The following SGMS2 variants were observed in gnomAD, a reference collection of about 807,000 sequenced individuals.
SGMS2 encodes phosphatidylcholine:ceramide cholinephosphotransferase 2.
SGMS2 carries 21 observed loss-of-function variants against 43.8 expected under a neutral mutation model. The ratio of observed to expected loss-of-function variants is 0.48; its 90% CI spans 0.34 to 0.69. SGMS2 has a LOEUF of 0.69. Ranked by LOEUF, SGMS2 falls within the 30% of genes least tolerant of loss-of-function variation. The pLI, the probability that SGMS2 is intolerant of heterozygous loss-of-function variation, is 0.01. For missense variants in SGMS2, 384 were observed against 443.2 expected (o/e 0.87, Z 1.20); for synonymous variants, 167 against 160.6 (o/e 1.04, Z -0.30).
At position 107,914,830 on chromosome 4, in the gene SGMS2, A is replaced by G. The variant is rs1732354149; in HGVS notation, c.*4277A>G. 1 of 152,162 alleles carries G rather than the reference A, an allele frequency of 6.6e-6. No individual in the cohort carries two copies. The highest frequency in any genetic ancestry group is 2.1e-4 in the South Asian group (1 of 4,834). 9.4% of individuals were successfully genotyped at this position (152,162 alleles called of 1,614,324 possible). ...TGTGTTTGTAAACATTTCAGGAGGA[A>G]TTTAGGAGTGTAACTATAGTTTATA... On this transcript the variant is annotated 3_prime_UTR_variant, in exon 7 of 7. Transcript: ENST00000690982.
chr4:107,895,822 T>A lies in SGMS2; in HGVS notation c.269T>A (p.Leu90His). ...GIAFIYAVFN[L>H]VLTTVMITVV... Reference sequence around the variant, plus strand: ...GCCTTCATATATGCAGTTTTCAACCTCGTCTTGACAACCGTCATGATCACA... The same window carrying A: ...GCCTTCATATATGCAGTTTTCAACCACGTCTTGACAACCGTCATGATCACA... Residue 90 changes from leucine (L) to histidine (H), a missense_variant, in exon 3 of 7, where the codon CTC becomes CAC. Physicochemically the swap from Leu to His is moderately conservative, Grantham distance 99. Transcript: ENST00000690982. The A allele has an allele frequency of 6.2e-7, 1 of 1,614,008 alleles. No homozygotes were observed. The highest frequency in any genetic ancestry group is 1.3e-5 in the African/African-American group (1 of 75,036).
At chr4:107,873,477 G>A (rs1056629089) in intron 2 of SGMS2, 5 of 152,034 alleles carry the variant, frequency 3.3e-5, no homozygotes, top group Admixed American at 2.0e-4. Flanking sequence ...TGAAAAGAAT[G>A]TGAAAATGAA....
chr4:107,893,804 G>A (rs1730439888), intron 2 of SGMS2: 1 of 152,184 alleles, frequency 6.6e-6, no homozygotes, highest in South Asian at 2.1e-4. Context: ...CCTGGAGCAG[G>A]GAAACAGTAC....
In SGMS2 at chr4:107,840,513, A is replaced by T. The variant is rs542048161; in HGVS notation, c.-327+15260A>T. 4.6e-5 allele frequency among the ~76,000 whole-genome samples: 7 copies of T among 152,282 alleles called. No homozygotes were observed. In the South Asian group the frequency reaches 1.5e-3, roughly 32 times the overall value. ...CTATTAGCAGCTCAGTTATTGATAT[A>T]CCCAAGGGTAGACTAACAGCCACTG... On this transcript the variant is annotated intron_variant, in intron 1 of 6. Coordinates refer to ENST00000690982, the MANE Select transcript of SGMS2 (RefSeq NM_001375905.1).
chr4:107,844,081 G>C (rs1467420025), intron 1 of SGMS2, among the ~76,000 whole-genome samples: 1 of 152,106 alleles, frequency 6.6e-6, no homozygotes, highest in Non-Finnish European at 1.5e-5. Context: ...CCAGCACTTT[G>C]GGAGGCCAAG....
At chr4:107,828,737 A>G (rs2125982466) in intron 1 of SGMS2, among the ~76,000 whole-genome samples, 1 of 152,354 alleles carries the variant, frequency 6.6e-6, no homozygotes, top group African/African-American at 2.4e-5. Flanking sequence ...CTGTATTCAG[A>G]ATTAGAGAAC....
At chr4:107,896,191 T>C (rs545614116) in intron 3 of SGMS2, among the ~76,000 whole-genome samples, 183 bp downstream of exon 3, 54 of 152,128 alleles carry the variant, frequency 3.5e-4, no homozygotes, top group African/African-American at 1.3e-3. Context: ...CAGTAAGTGT[T>C]TGATGAGCAA....
At chr4:107,908,978 G>T (rs1029478519) in intron 6 of SGMS2, among the ~76,000 whole-genome samples, 2 of 152,136 alleles carry the variant, frequency 1.3e-5, no homozygotes, top group African/African-American at 4.8e-5. Flanking sequence ...AAACTAGAAT[G>T]AAAAAATATA....
chr4:107,830,150 G>C (rs536661944), intron 1 of SGMS2, among the ~76,000 whole-genome samples: 1 of 152,242 alleles, frequency 6.6e-6, no homozygotes, highest in East Asian at 1.9e-4. Context: ...CTGTTCCTGT[G>C]TTAATTCACT....
chr4:107,835,740 T>C (rs1726132916), intron 1 of SGMS2, among the ~76,000 whole-genome samples: 1 of 152,226 alleles, frequency 6.6e-6, no homozygotes, highest in South Asian at 2.1e-4. Flanking sequence ...GAAGGGTATC[T>C]GTTCCATCTC....
chr4:107,858,640 G>C (rs1314251519), intron 2 of SGMS2, 87 bp downstream of exon 2: 2 of 151,872 alleles, frequency 1.3e-5, no homozygotes, highest in Non-Finnish European at 2.9e-5. Context: ...TCAGCTGAAG[G>C]TTGGCTGTCT....
intron 2 of SGMS2, among the ~76,000 whole-genome samples, chr4:107,862,515 C>T (rs1171536080): frequency 6.6e-6 from 1 of 152,108 alleles, no homozygotes; most frequent in Non-Finnish European, 1.5e-5. Context: ...TATGTAAGAA[C>T]CCTGTAATTA....
chr4:107,893,825 C>T (rs1454202443), intron 2 of SGMS2, among the ~76,000 whole-genome samples: 4 of 152,188 alleles, frequency 2.6e-5, no homozygotes, highest in Non-Finnish European at 5.9e-5. Flanking sequence ...AGCTAAACCT[C>T]TCACTTTACC....
chr4:107,843,550 G>A (rs1726639913), intron 1 of SGMS2, among the ~76,000 whole-genome samples: 1 of 152,196 alleles, frequency 6.6e-6, no homozygotes, highest in Non-Finnish European at 1.5e-5. Flanking sequence ...AACAGAGACT[G>A]GAGGAGGAGC....
intron 1 of SGMS2, among the ~76,000 whole-genome samples, chr4:107,848,935 C>T (rs1726983097): frequency 6.6e-6 from 1 of 151,936 alleles, no homozygotes; most frequent in Non-Finnish European, 1.5e-5. Context: ...TTCTTTCATG[C>T]TTTTGGTGTT....
At chr4:107,910,317 T>C (rs779726434) in intron 6 of SGMS2, 33 bp from the exon 7 acceptor site, 24 of 1,532,098 alleles carry the variant, frequency 1.6e-5, no homozygotes, top group African/African-American at 8.2e-5. Context: ...GAGAAAGATA[T>C]GTCTCATTTA....
intron 1 of SGMS2, among the ~76,000 whole-genome samples, chr4:107,834,611 G>A (rs1185339874): frequency 2.0e-5 from 3 of 152,120 alleles, no homozygotes; most frequent in Non-Finnish European, 4.4e-5. Flanking sequence ...ATGTTATTAT[G>A]AAATCCCAGA....
At chr4:107,836,881 G>A (rs902273182) in intron 1 of SGMS2, among the ~76,000 whole-genome samples, 1 of 152,174 alleles carries the variant, frequency 6.6e-6, no homozygotes, top group African/African-American at 2.4e-5. Flanking sequence ...GGAAGGGAGA[G>A]GAGAGTACAG....
rs111724428 is a variant in SGMS2 at position 107,910,715 on chromosome 4, G to C, written c.*162G>C. The stretch of plus-strand genomic sequence containing the variant: ...ATGAACAAAGTATTGCCCTTTGACT[G>C]GTTTTCTTCTTCATCCTGAGAAAGA... On this transcript the variant is annotated 3_prime_UTR_variant, in exon 7 of 7. Coordinates refer to ENST00000690982, the MANE Select transcript of SGMS2 (RefSeq NM_001375905.1). The C allele has an allele frequency of 0.021, 13,283 of 634,486 alleles. 198 individuals carry two copies. Among genetic ancestry groups the C allele is most frequent in the Middle Eastern group, 0.032 (74 of 2,342 alleles). 39.3% of individuals were successfully genotyped at this position (634,486 alleles called of 1,614,324 possible).
Sources: gnomAD v4.1 joint callset for allele counts (sites outside exome capture counted in the v4.1 genomes callset) on GRCh38, gnomAD v4.1.1 for gene constraint, MANE v1.5 for transcripts, NCBI Gene and HGNC (gene_info 2026-07-23, HGNC 2026-07-21) for gene names.